KCNAB1: variants seen among roughly 807,000 people sequenced by gnomAD.
The protein encoded by KCNAB1 is voltage-gated potassium channel subunit beta-1.
KCNAB1 carries 35 observed loss-of-function variants against 64.6 expected under a neutral mutation model. The observed-to-expected ratio is 0.54, with a 90% CI of 0.41 to 0.72. The LOEUF is 0.72. Among genes scored for constraint, KCNAB1 ranks in the 30% least tolerant of loss-of-function variants. The pLI is 0.00. For synonymous variants in KCNAB1, 177 were observed against 183.8 expected (o/e 0.96, Z 0.30); for missense variants, 401 against 512.9 (o/e 0.78, Z 2.11).
In KCNAB1 at chr3:156,129,752, T is replaced by C. The variant is rs571916911; in HGVS notation, c.275+8866T>C. ...TGAAGTGCCATCAGGCCATCTGTTA[T>C]TTTGCCTCCCTGATCTTCCTTTAGC... On this transcript the variant is annotated intron_variant, in intron 1 of 13. Coordinates refer to ENST00000490337, the MANE Select transcript of KCNAB1 (RefSeq NM_172160.3). Among the ~76,000 whole-genome samples the C allele has an allele frequency of 4.6e-5, 7 of 152,346 alleles. No homozygotes were observed. In the East Asian group the frequency reaches 1.2e-3, roughly 25 times the overall value.
chr3:156,277,977 T>C (rs992589562), intron 1 of KCNAB1, among the ~76,000 whole-genome samples: 13 of 152,268 alleles, frequency 8.5e-5, no homozygotes, highest in African/African-American at 3.1e-4. Flanking sequence ...TGCATTTCAT[T>C]TTACCTGTGA....
At chr3:156,146,774 A>G (rs1455651416) in intron 1 of KCNAB1, among the ~76,000 whole-genome samples, 2 of 152,282 alleles carry the variant, frequency 1.3e-5, no homozygotes, top group African/African-American at 2.4e-5. Context: ...TAGTTTTTGC[A>G]TATCACAAAT....
intron 1 of KCNAB1, among the ~76,000 whole-genome samples, chr3:156,371,566 G>A (rs531493788): frequency 6.6e-6 from 1 of 152,122 alleles, no homozygotes; most frequent in African/African-American, 2.4e-5. Context: ...TGCAGACTAG[G>A]GTCTAAAACA....
intron 5 of KCNAB1, among the ~76,000 whole-genome samples, chr3:156,463,072 T>C (rs1381707613): frequency 6.6e-6 from 1 of 152,172 alleles, no homozygotes; most frequent in Non-Finnish European, 1.5e-5. Context: ...AATAAGACAC[T>C]CAAAGACATT....
chr3:156,209,052 C>T (rs976418475), intron 1 of KCNAB1, among the ~76,000 whole-genome samples: 2 of 152,174 alleles, frequency 1.3e-5, no homozygotes, highest in Non-Finnish European at 2.9e-5. Context: ...GCGTAAGATA[C>T]TATGTTTTTT....
intron 1 of KCNAB1, among the ~76,000 whole-genome samples, chr3:156,290,360 C>G (rs1371114450): frequency 6.6e-6 from 1 of 152,136 alleles, no homozygotes; most frequent in Non-Finnish European, 1.5e-5. Flanking sequence ...GTTCTTTTTG[C>G]TTGACAGCAG....
At chr3:156,536,482 A>G in intron 13 of KCNAB1, 176 bp from the exon 14 acceptor site, 1 of 583,728 alleles carries the variant, frequency 1.7e-6, no homozygotes, top group Non-Finnish European at 3.1e-6. Context: ...TCAATCAACA[A>G]GGCCCCTGAC....
intron 1 of KCNAB1, among the ~76,000 whole-genome samples, chr3:156,334,947 C>T (rs566647063): frequency 6.6e-6 from 1 of 152,314 alleles, no homozygotes; most frequent in Non-Finnish European, 1.5e-5. Flanking sequence ...GCACTGGTTC[C>T]CTGATCATTT....
At chr3:156,130,148 T>A (rs1419539239) in intron 1 of KCNAB1, among the ~76,000 whole-genome samples, 1 of 152,224 alleles carries the variant, frequency 6.6e-6, no homozygotes, top group Non-Finnish European at 1.5e-5. Context: ...TTTTAAAGAT[T>A]AGATCCAAAG....
At chr3:156,356,233 C>T (rs898991568) in intron 1 of KCNAB1, among the ~76,000 whole-genome samples, 2 of 151,274 alleles carry the variant, frequency 1.3e-5, no homozygotes, top group Non-Finnish European at 2.9e-5. Flanking sequence ...TGAGAGATTA[C>T]TGGGAAGAAA....
intron 8 of KCNAB1, among the ~76,000 whole-genome samples, chr3:156,500,532 A>T (rs889893126): frequency 3.3e-5 from 5 of 152,202 alleles, no homozygotes; most frequent in African/African-American, 1.2e-4. Context: ...AAATAAAAAA[A>T]CTAACAATTC....
intron 1 of KCNAB1, among the ~76,000 whole-genome samples, chr3:156,205,021 T>C (rs1247295427): frequency 6.6e-6 from 1 of 152,200 alleles, no homozygotes; most frequent in Non-Finnish European, 1.5e-5. Context: ...AAAAATTATA[T>C]ATCTCTTAAA....
intron 1 of KCNAB1, among the ~76,000 whole-genome samples, chr3:156,385,935 A>G (rs1712553076): frequency 6.6e-6 from 1 of 152,208 alleles, no homozygotes; most frequent in African/African-American, 2.4e-5. Context: ...AAGAAATTGT[A>G]TGGCTCTTCT....
chr3:156,348,676 T>C (rs1724660851), intron 1 of KCNAB1, among the ~76,000 whole-genome samples: 1 of 152,192 alleles, frequency 6.6e-6, no homozygotes, highest in African/African-American at 2.4e-5. Context: ...AGTGCTCTGA[T>C]CTGAAGAAAT....
intron 12 of KCNAB1, among the ~76,000 whole-genome samples, chr3:156,528,929 TAG>T (rs1281408033): frequency 6.6e-6 from 1 of 152,138 alleles, no homozygotes; most frequent in African/African-American, 2.4e-5. Flanking sequence ...GATTTGTGTT[TAG>T]AGAGACTGCT....
chr3:156,198,300 A>T (rs570988779), intron 1 of KCNAB1, among the ~76,000 whole-genome samples: 1 of 152,290 alleles, frequency 6.6e-6, no homozygotes, highest in South Asian at 2.1e-4. Flanking sequence ...GATGTCTATT[A>T]GGTCTGCTTG....
intron 1 of KCNAB1, among the ~76,000 whole-genome samples, chr3:156,178,237 T>C (rs1712530917): frequency 6.6e-6 from 1 of 152,218 alleles, no homozygotes. Flanking sequence ...ACTCTATCAG[T>C]GGGTTTCAAC....
At position 156,255,411 on chromosome 3, in the gene KCNAB1, A is replaced by G. The variant is rs544038750; in HGVS notation, c.275+134525A>G. ...TAGACTGTGGTGTTCAAAATAATGC[A>G]TGTAACATTTATTCCAAACCAGATG... is the stretch of plus-strand genomic sequence containing the variant. On this transcript the variant is annotated intron_variant, in intron 1 of 13. Transcript: ENST00000490337. Among the ~76,000 whole-genome samples, 3 of 152,304 alleles carry G rather than the reference A, an allele frequency of 2.0e-5. No individual in the cohort carries two copies. In the East Asian group the frequency reaches 5.8e-4, roughly 29 times the overall value.
At chr3:156,407,538 A>G (rs1475672643) in intron 1 of KCNAB1, among the ~76,000 whole-genome samples, 1 of 152,228 alleles carries the variant, frequency 6.6e-6, no homozygotes, top group African/African-American at 2.4e-5. Flanking sequence ...ACAGTGCTCA[A>G]TAAATATGAA....
Sources: gnomAD v4.1 joint callset for allele counts (sites outside exome capture counted in the v4.1 genomes callset) on GRCh38, gnomAD v4.1.1 for gene constraint, MANE v1.5 for transcripts, NCBI Gene and HGNC (gene_info 2026-07-23, HGNC 2026-07-21) for gene names.